ELOVL4: variants seen among roughly 807,000 people sequenced by gnomAD.
ELOVL4 encodes very long chain fatty acid elongase 4.
Under a neutral mutation model 42.1 loss-of-function variants are expected in ELOVL4, and 18 were observed. That is an observed-to-expected ratio of 0.43 (90% CI 0.30 to 0.63). The LOEUF is 0.63. Ranked by LOEUF, ELOVL4 falls within the 30% of genes least tolerant of loss-of-function variation. ELOVL4 has a pLI of 0.15. For missense variants in ELOVL4, 299 were observed against 376.2 expected, an observed-to-expected ratio of 0.79 and a Z score of 1.70; for synonymous variants, 117 against 127.0, an observed-to-expected ratio of 0.92 and a Z score of 0.53.
intron 1 of ELOVL4, among the ~76,000 whole-genome samples, chr6:79,941,523 C>A (rs1046857687): frequency 6.6e-6 from 1 of 152,076 alleles, no homozygotes; most frequent in African/African-American, 2.4e-5. Context: ...ATTTAGTGAA[C>A]GGCAACTGAA....
At chr6:79,945,553 G>C (rs1003389302) in intron 1 of ELOVL4, among the ~76,000 whole-genome samples, 1 of 152,254 alleles carries the variant, frequency 6.6e-6, no homozygotes, top group African/African-American at 2.4e-5. Flanking sequence ...TGACAGGACC[G>C]AGAACTCCTG....
At position 79,916,574 on chromosome 6, in the gene ELOVL4, C is replaced by T; in HGVS notation, c.*34G>A. The T allele has an allele frequency of 2.4e-5, 39 of 1,612,094 alleles. No individual in the cohort carries two copies. The highest frequency in any genetic ancestry group is 3.3e-5 in the Non-Finnish European group (39 of 1,179,744). Reference sequence around the variant, plus strand: ...ATTTTATATGATATGGGAGTTTTTCCTCACTGTCAACAACAGTTAAGGCCC... The same window carrying T: ...ATTTTATATGATATGGGAGTTTTTCTTCACTGTCAACAACAGTTAAGGCCC... On this transcript the variant is annotated 3_prime_UTR_variant, in exon 6 of 6. Transcript: ENST00000369816.
chr6:79,915,990 TCTTA>T lies in ELOVL4; in HGVS notation c.*614_*617del. On this transcript the variant is annotated 3_prime_UTR_variant, in exon 6 of 6. Coordinates refer to ENST00000369816, the MANE Select transcript of ELOVL4 (RefSeq NM_022726.4). ...CAGACAAGACTTTACTGCAATTCTT[TCTTA>T]TTTTCACCAACACCATCATCATCAA... The T allele has an allele frequency of 6.5e-6, 1 of 153,030 alleles. No individual in the cohort carries two copies. Among genetic ancestry groups the T allele is most frequent in the East Asian group, 1.9e-4 (1 of 5,192 alleles). 9.5% of individuals were successfully genotyped at this position (153,030 alleles called of 1,614,324 possible). A position where few individuals can be genotyped will look rare whatever the true frequency, so the allele number is the denominator to read the frequency against.
intron 1 of ELOVL4, among the ~76,000 whole-genome samples, chr6:79,939,933 C>A (rs1774618652): frequency 6.6e-6 from 1 of 152,192 alleles, no homozygotes; most frequent in Non-Finnish European, 1.5e-5. Flanking sequence ...GTCAGAATTT[C>A]TTTCCTTTTT....
chr6:79,923,472 G>A (rs184963093), intron 3 of ELOVL4, among the ~76,000 whole-genome samples: 147 of 152,262 alleles, frequency 9.7e-4, no homozygotes, highest in African/African-American at 3.5e-3. Flanking sequence ...CATACTCCCA[G>A]AAGTCAGTCA....
At chr6:79,928,968 G>A (rs148074436) in intron 1 of ELOVL4, among the ~76,000 whole-genome samples, 5 of 152,108 alleles carry the variant, frequency 3.3e-5, no homozygotes, top group African/African-American at 1.2e-4. Context: ...ATTTCCAAAA[G>A]AGAGAAGGAA....
chr6:79,916,917 A>G (rs1188380663), intron 5 of ELOVL4, 34 bp from the exon 6 acceptor site: 1 of 1,613,274 alleles, frequency 6.2e-7, no homozygotes, highest in African/African-American at 1.3e-5. Context: ...AAAACATTTA[A>G]TCTGAATAGT....
chr6:79,941,550 A>C (rs1774644751), intron 1 of ELOVL4, among the ~76,000 whole-genome samples: 1 of 152,156 alleles, frequency 6.6e-6, no homozygotes, highest in African/African-American at 2.4e-5. Context: ...ACCAACTCAT[A>C]AAAAATATCA....
intron 1 of ELOVL4, 74 bp downstream of exon 1, chr6:79,947,106 C>A (rs954845938): frequency 7.8e-7 from 1 of 1,276,958 alleles, no homozygotes; most frequent in Non-Finnish European, 1.1e-6. Flanking sequence ...GGGCCGGGCC[C>A]GGGAGCTGCG....
intron 5 of ELOVL4, 29 bp from the exon 6 acceptor site, chr6:79,916,912 A>G (rs761010902): frequency 1.2e-6 from 2 of 1,613,550 alleles, no homozygotes. Flanking sequence ...AGCACAAAAC[A>G]TTTAATCTGA....
Position 79,916,753 on chromosome 6 carries a change from A to G in ELOVL4, c.800T>C (p.Ile267Thr), listed in dbSNP as rs148594713. ...SFIFLFLNFY[I>T]RTYKEPKKPK... ...TTTCTTAGGCTCTTTGTATGTCCGA[A>G]TGTAGAAGTTAAGAAAGAGAAATAT... The change falls in exon 6 of 6, where the codon ATT becomes ACT. Residue 267 changes from isoleucine (I) to threonine (T), a missense_variant. Transcript: ENST00000369816. The G allele has an allele frequency of 8.0e-3, 12,920 of 1,614,122 alleles. 90 individuals are homozygous for G. Among genetic ancestry groups the G allele is most frequent in the South Asian group, 0.014 (1,279 of 91,086 alleles).
At chr6:79,935,400 A>C (rs1306540104) in intron 1 of ELOVL4, among the ~76,000 whole-genome samples, 2 of 152,168 alleles carry the variant, frequency 1.3e-5, no homozygotes, top group Non-Finnish European at 2.9e-5. Flanking sequence ...AGAACACCCA[A>C]ACCCCTAGAA....
intron 1 of ELOVL4, 55 bp from the exon 2 acceptor site, chr6:79,926,436 A>G (rs1368128339): frequency 6.5e-7 from 1 of 1,534,788 alleles, no homozygotes; most frequent in East Asian, 2.4e-5. Context: ...GTTTTATAAA[A>G]TACACTTTTT....
rs1022225350 is a variant in ELOVL4 at position 79,915,543 on chromosome 6, G to A, written c.*1065C>T. 36 of 152,448 alleles carry A rather than the reference G, an allele frequency of 2.4e-4. No homozygotes were observed. The highest frequency in any genetic ancestry group is 7.2e-4 in the Admixed American group (11 of 15,272). 9.4% of individuals were successfully genotyped at this position (152,448 alleles called of 1,614,324 possible). ...ATTGAAAGAGAAGGATAGTTTCACA[G>A]AAATGTTTGGTGTATGCTATTTGTC... On this transcript the variant is annotated 3_prime_UTR_variant, in exon 6 of 6. Transcript: ENST00000369816.
chr6:79,922,842 G>A (rs1190586945), intron 3 of ELOVL4, among the ~76,000 whole-genome samples: 1 of 151,950 alleles, frequency 6.6e-6, no homozygotes, highest in Admixed American at 6.6e-5. Flanking sequence ...AGAAGAAACA[G>A]AAAGCATATA....
chr6:79,926,329 ACTT>A lies in ELOVL4; in HGVS notation c.150_152del (p.Ser51del). On this transcript the variant is annotated inframe_deletion, in exon 2 of 6. Transcript: ENST00000369816. Reference sequence around the variant, plus strand: ...CAAACAGGAGATAAAGAGTGCTTATACTTAGTGTAGGCCAAGGAGACTGCATCA... The same window carrying A: ...CAAACAGGAGATAAAGAGTGCTTATAAGTGTAGGCCAAGGAGACTGCATCA... 6.2e-7 allele frequency: 1 copy of A among 1,614,056 alleles called. No individual in the cohort carries two copies. Among genetic ancestry groups the A allele is most frequent in the South Asian group, 1.1e-5 (1 of 91,080 alleles).
chr6:79,919,492 A>G lies in ELOVL4; in HGVS notation c.597T>C (p.Tyr199=), dbSNP rs890776095. The G allele has an allele frequency of 6.2e-7, 1 of 1,613,752 alleles. No homozygotes were observed. Among genetic ancestry groups the G allele is most frequent in the South Asian group, 1.1e-5 (1 of 91,072 alleles). ...SFIHVIMYSY[Y]GLTAFGPWIQ... ...TCCATGGGCCAAATGCAGTTAACCC[A>G]TAGTATGAGTACATAATCACATGGA... Residue 199 remains tyrosine, a synonymous_variant, in exon 5 of 6, where the codon TAT becomes TAC. Coordinates refer to ENST00000369816, the MANE Select transcript of ELOVL4 (RefSeq NM_022726.4).
chr6:79,934,845 A>C (rs988081637), intron 1 of ELOVL4, among the ~76,000 whole-genome samples: 1 of 152,214 alleles, frequency 6.6e-6, no homozygotes, highest in Non-Finnish European at 1.5e-5. Flanking sequence ...GACACTGATC[A>C]ACCACTAAAT....
At chr6:79,918,691 A>C (rs1458020541) in intron 5 of ELOVL4, among the ~76,000 whole-genome samples, 2 of 152,218 alleles carry the variant, frequency 1.3e-5, no homozygotes, top group East Asian at 1.9e-4. Context: ...AAGCTTGAAA[A>C]ATAGTTACCA....
Sources: gnomAD v4.1 joint callset for allele counts (sites outside exome capture counted in the v4.1 genomes callset) on GRCh38, gnomAD v4.1.1 for gene constraint, MANE v1.5 for transcripts, NCBI Gene and HGNC (gene_info 2026-07-23, HGNC 2026-07-21) for gene names.